Variants in TMEFF2 observed in about 807,000 individuals in gnomAD.
The protein encoded by TMEFF2 is tomoregulin-2.
TMEFF2 carries 28 observed loss-of-function variants against 53.8 expected under a neutral mutation model. That is an observed-to-expected ratio of 0.52 (90% CI 0.39 to 0.71). TMEFF2 has a LOEUF of 0.71. Among genes scored for constraint, TMEFF2 ranks in the 30% least tolerant of loss-of-function variants. The pLI is 0.00. For missense variants in TMEFF2, 353 were observed against 455.2 expected (o/e 0.78, Z 2.04); for synonymous variants, 162 against 166.3 (o/e 0.97, Z 0.20).
chr2:192,159,349 G>A (rs995239622), intron 4 of TMEFF2, among the ~76,000 whole-genome samples: 2 of 152,098 alleles, frequency 1.3e-5, no homozygotes, highest in African/African-American at 4.8e-5. Flanking sequence ...TGTTCCCCAG[G>A]CAGTCTGCTG....
In TMEFF2 at chr2:191,949,116, GATA is replaced by G. The variant is rs1691788852; in HGVS notation, c.*1192_*1194del. ...CATGGAAAGCTTTGCAGAGCTAAATGATAATAATTGATTTATTTTCATCTTATT... is the reference window on the plus strand; with the variant it reads ...CATGGAAAGCTTTGCAGAGCTAAATGATAATTGATTTATTTTCATCTTATT... On this transcript the variant is annotated 3_prime_UTR_variant, in exon 10 of 10. Transcript: ENST00000272771. The G allele has an allele frequency of 2.0e-6, 2 of 985,024 alleles. No homozygotes were observed. Among genetic ancestry groups the G allele is most frequent in the Non-Finnish European group, 2.4e-6 (2 of 829,720 alleles). 61.0% of individuals were successfully genotyped at this position (985,024 alleles called of 1,614,324 possible). A position where few individuals can be genotyped will look rare whatever the true frequency, so the allele number is the denominator to read the frequency against.
intron 4 of TMEFF2, among the ~76,000 whole-genome samples, chr2:192,115,984 G>T (rs2105960559): frequency 6.6e-6 from 1 of 152,014 alleles, no homozygotes; most frequent in East Asian, 1.9e-4. Context: ...GTTCTTCTGG[G>T]TATATACCAG....
chr2:191,972,606 C>T (rs1483998010), intron 7 of TMEFF2, among the ~76,000 whole-genome samples: 1 of 151,936 alleles, frequency 6.6e-6, no homozygotes. Flanking sequence ...GACAATGTCC[C>T]AGTCTTCAAC....
chr2:192,145,543 C>T (rs1473328712), intron 4 of TMEFF2, among the ~76,000 whole-genome samples: 1 of 140,756 alleles, frequency 7.1e-6, no homozygotes, highest in Non-Finnish European at 1.6e-5. Context: ...AAAGTATGTC[C>T]ACTACATGAT....
intron 4 of TMEFF2, among the ~76,000 whole-genome samples, chr2:192,104,943 G>T (rs1689111294): frequency 6.6e-6 from 1 of 151,964 alleles, no homozygotes; most frequent in African/African-American, 2.4e-5. Flanking sequence ...AGGTAAAATT[G>T]TAACCCTGAC....
chr2:192,040,638 T>C (rs1471987016), intron 5 of TMEFF2, among the ~76,000 whole-genome samples: 1 of 152,108 alleles, frequency 6.6e-6, no homozygotes, highest in Non-Finnish European at 1.5e-5. Context: ...GGGTAGTTCT[T>C]TAGAGCTCAC....
At chr2:192,021,428 G>A (rs995635952) in intron 5 of TMEFF2, among the ~76,000 whole-genome samples, 2 of 152,082 alleles carry the variant, frequency 1.3e-5, no homozygotes, top group Non-Finnish European at 2.9e-5. Flanking sequence ...AAAAGACAAA[G>A]GGTGAAACAG....
At chr2:192,165,509 A>G (rs1019997775) in intron 4 of TMEFF2, among the ~76,000 whole-genome samples, 1 of 152,190 alleles carries the variant, frequency 6.6e-6, no homozygotes, top group African/African-American at 2.4e-5. Flanking sequence ...TTATGGGAGA[A>G]GATAAGCTGT....
intron 5 of TMEFF2, among the ~76,000 whole-genome samples, chr2:192,002,220 A>T (rs530388022): frequency 6.6e-6 from 1 of 152,074 alleles, no homozygotes; most frequent in African/African-American, 2.4e-5. Flanking sequence ...ACAGGTATAG[A>T]TGGTTGATGT....
At chr2:191,995,920 A>G (rs2105831723) in intron 7 of TMEFF2, among the ~76,000 whole-genome samples, 1 of 151,966 alleles carries the variant, frequency 6.6e-6, no homozygotes, top group East Asian at 1.9e-4. Flanking sequence ...ATCTGACACC[A>G]AACTAGAAGA....
intron 5 of TMEFF2, among the ~76,000 whole-genome samples, chr2:192,013,746 T>C (rs1305862356): frequency 6.6e-6 from 1 of 152,190 alleles, no homozygotes; most frequent in African/African-American, 2.4e-5. Flanking sequence ...CCACTGCACC[T>C]GGCCCATACT....
chr2:192,030,220 T>C (rs1443295707), intron 5 of TMEFF2: 1 of 152,250 alleles, frequency 6.6e-6, no homozygotes, highest in African/African-American at 2.4e-5. Flanking sequence ...AAGCCATTTC[T>C]GCTCCCTTTC....
At chr2:192,011,196 G>T (rs150962597) in intron 5 of TMEFF2, among the ~76,000 whole-genome samples, 5 of 152,196 alleles carry the variant, frequency 3.3e-5, no homozygotes, top group African/African-American at 1.2e-4. Flanking sequence ...CAATGATAAA[G>T]AGCATAGTTG....
At chr2:192,109,605 G>C (rs955949198) in intron 4 of TMEFF2, among the ~76,000 whole-genome samples, 3 of 152,104 alleles carry the variant, frequency 2.0e-5, no homozygotes, top group African/African-American at 7.2e-5. Flanking sequence ...CAGACTGACT[G>C]TCAGGTCCAC....
At chr2:192,076,022 CTG>C (rs1688424246) in intron 4 of TMEFF2, among the ~76,000 whole-genome samples, 1 of 151,826 alleles carries the variant, frequency 6.6e-6, no homozygotes, top group African/African-American at 2.4e-5. Context: ...GGAACTACCT[CTG>C]TGGTCTCTCT....
chr2:192,035,411 G>T (rs1026702380), intron 5 of TMEFF2: 1 of 152,150 alleles, frequency 6.6e-6, no homozygotes, highest in African/African-American at 2.4e-5. Flanking sequence ...TTTGGAGGTA[G>T]GAAATTGGAA....
intron 4 of TMEFF2, among the ~76,000 whole-genome samples, chr2:192,075,304 T>TATATAAATATATATATATATAA (rs1255720455): frequency 1.2e-4 from 2 of 17,296 alleles, no homozygotes; most frequent in South Asian, 4.0e-3. Context: ...TATATATATA[T>TATATAAATATATATATATATAA]ATATATATAT....
intron 4 of TMEFF2, among the ~76,000 whole-genome samples, chr2:192,061,633 T>A (rs372197488): frequency 6.6e-6 from 1 of 152,106 alleles, no homozygotes; most frequent in Non-Finnish European, 1.5e-5. Flanking sequence ...GGGTACCTGA[T>A]ATGGTTTGGA....
chr2:191,973,233 C>G (rs1034035778), intron 7 of TMEFF2, among the ~76,000 whole-genome samples: 2 of 151,940 alleles, frequency 1.3e-5, no homozygotes, highest in African/African-American at 2.4e-5. Context: ...TAGATTTGGT[C>G]TCTTCAATGT....
Sources: allele counts gnomAD v4.1 joint callset (sites outside exome capture counted in the v4.1 genomes callset), GRCh38; gene constraint gnomAD v4.1.1; transcripts MANE v1.5; gene names NCBI Gene and HGNC (gene_info 2026-07-23, HGNC 2026-07-21).